Variants in KCNQ3 observed in about 807,000 individuals in gnomAD.
The protein encoded by KCNQ3 is potassium voltage-gated channel subfamily KQT member 3.
A neutral mutation model predicts 92.5 loss-of-function variants in KCNQ3; 30 were observed. That is an observed-to-expected ratio of 0.32 (90% confidence interval 0.24 to 0.44). The LOEUF (loss-of-function observed/expected upper bound fraction) is 0.44, where lower values mean the gene tolerates loss of function less well. KCNQ3 is among the 20% of genes least tolerant of loss of function. The probability of loss-of-function intolerance (pLI) is 1.00; values close to 1 mark genes in which losing one functional copy is unlikely to be tolerated. For synonymous variants in KCNQ3, 450 were observed against 468.8 expected (o/e 0.96, Z 0.52); for missense variants, 913 against 1,140.3 (o/e 0.80, Z 2.87).
intron 1 of KCNQ3, among the ~76,000 whole-genome samples, chr8:132,387,938 C>T (rs1819932561): frequency 6.7e-6 from 1 of 148,786 alleles, no homozygotes; most frequent in African/African-American, 2.5e-5. Flanking sequence ...AGAGCAAGAC[C>T]CTGTGAAGAA....
chr8:132,346,506 A>C (rs1818693022), intron 1 of KCNQ3, among the ~76,000 whole-genome samples: 1 of 152,180 alleles, frequency 6.6e-6, no homozygotes, highest in South Asian at 2.1e-4. Flanking sequence ...GAACAAGGAA[A>C]TACTAGAACC....
At chr8:132,424,741 G>C (rs1272572637) in intron 1 of KCNQ3, among the ~76,000 whole-genome samples, 2 of 152,188 alleles carry the variant, frequency 1.3e-5, no homozygotes, top group Non-Finnish European at 2.9e-5. Flanking sequence ...GCCCTTTCTT[G>C]CTTCTTCCAA....
At chr8:132,134,229 G>C (rs1824986435) in intron 13 of KCNQ3, 61 bp downstream of exon 13, 2 of 1,219,296 alleles carry the variant, frequency 1.6e-6, no homozygotes, top group African/African-American at 3.0e-5. Context: ...GAGGTTTGGG[G>C]GTGGGGATGC....
chr8:132,339,167 G>A (rs1417909735), intron 1 of KCNQ3, among the ~76,000 whole-genome samples: 1 of 152,172 alleles, frequency 6.6e-6, no homozygotes, highest in East Asian at 1.9e-4. Flanking sequence ...CTAGGCCTGA[G>A]GCACCTCCTC....
intron 1 of KCNQ3, among the ~76,000 whole-genome samples, chr8:132,311,308 C>A (rs1316697128): frequency 2.6e-5 from 4 of 152,200 alleles, no homozygotes; most frequent in Non-Finnish European, 5.9e-5. Context: ...CATTTCATAT[C>A]ATTTGCTTTG....
chr8:132,191,959 A>G (rs1827175347), intron 1 of KCNQ3, among the ~76,000 whole-genome samples: 1 of 151,394 alleles, frequency 6.6e-6, no homozygotes, highest in Admixed American at 6.6e-5. Flanking sequence ...CCGCGAAGAT[A>G]AGAAGCTACT....
In KCNQ3 at chr8:132,124,491, C is replaced by G. The variant is rs1824599915; in HGVS notation, c.*4771G>C. 1 of 147,736 alleles carries G rather than the reference C, an allele frequency of 6.8e-6. No individual in the cohort carries two copies. The highest frequency in any genetic ancestry group is 1.5e-5 in the Non-Finnish European group (1 of 66,010). 9.2% of individuals were successfully genotyped at this position (147,736 alleles called of 1,614,324 possible). A position where few individuals can be genotyped will look rare whatever the true frequency, so the allele number is the denominator to read the frequency against. On this transcript the variant is annotated 3_prime_UTR_variant, in exon 15 of 15. Transcript: ENST00000388996. ...TTGAATGTGCTGAAACTCAAATTTTCTTCCAGGTCATCTCTGTATGATTCC... is the reference window on the plus strand; with the variant it reads ...TTGAATGTGCTGAAACTCAAATTTTGTTCCAGGTCATCTCTGTATGATTCC...
chr8:132,313,416 AT>A (rs201994751), intron 1 of KCNQ3, among the ~76,000 whole-genome samples: 1,812 of 151,872 alleles, frequency 0.012, 17 homozygotes, highest in Middle Eastern at 0.021. Context: ...ATGAATGCAA[AT>A]TTTTTTTTAA....
At chr8:132,188,794 C>T (rs1827073463) in intron 1 of KCNQ3, among the ~76,000 whole-genome samples, 1 of 152,168 alleles carries the variant, frequency 6.6e-6, no homozygotes, top group Non-Finnish European at 1.5e-5. Context: ...GGTTATGACC[C>T]ACGTGTTCAC....
chr8:132,284,401 T>C (rs1411065580), intron 1 of KCNQ3, among the ~76,000 whole-genome samples: 1 of 152,206 alleles, frequency 6.6e-6, no homozygotes, highest in Admixed American at 6.5e-5. Flanking sequence ...AAACCCACTA[T>C]GTGTCAGTAT....
intron 1 of KCNQ3, among the ~76,000 whole-genome samples, chr8:132,374,669 T>A (rs1399492074): frequency 1.3e-5 from 2 of 152,168 alleles, no homozygotes; most frequent in African/African-American, 4.8e-5. Context: ...TGCTCTTCTC[T>A]CTCCTCCCAG....
chr8:132,140,799 C>T, intron 10 of KCNQ3: 1 of 359,496 alleles, frequency 2.8e-6, no homozygotes, highest in Middle Eastern at 8.6e-4. Flanking sequence ...TTGCTTTGCA[C>T]CTGGCACCGC....
intron 1 of KCNQ3, among the ~76,000 whole-genome samples, chr8:132,196,240 A>G (rs1478135649): frequency 6.6e-6 from 1 of 152,228 alleles, no homozygotes; most frequent in Non-Finnish European, 1.5e-5. Flanking sequence ...TAATTCATTT[A>G]TTCAATAAAA....
chr8:132,418,028 C>G (rs895760993), intron 1 of KCNQ3, among the ~76,000 whole-genome samples: 2 of 152,138 alleles, frequency 1.3e-5, no homozygotes, highest in Admixed American at 6.5e-5. Flanking sequence ...GCCACACCCC[C>G]CTCATCTTCC....
intron 1 of KCNQ3, among the ~76,000 whole-genome samples, 153 bp downstream of exon 1, chr8:132,479,994 C>CACACACACACACACACA (rs1554660748): frequency 9.0e-6 from 1 of 111,030 alleles, no homozygotes; most frequent in Non-Finnish European, 2.0e-5. Context: ...ACACACACAC[C>CACACACACACACACACA]CAGGGAAACG....
intron 1 of KCNQ3, among the ~76,000 whole-genome samples, chr8:132,324,054 T>C (rs928270753): frequency 6.6e-5 from 10 of 152,156 alleles, no homozygotes; most frequent in African/African-American, 2.4e-4. Flanking sequence ...CATCATACTG[T>C]TTCATCCCTC....
chr8:132,329,244 C>T (rs1004777043), intron 1 of KCNQ3, among the ~76,000 whole-genome samples: 3 of 152,174 alleles, frequency 2.0e-5, no homozygotes, highest in Non-Finnish European at 2.9e-5. Flanking sequence ...GAAAATGGCA[C>T]GCCTTCCTCC....
intron 9 of KCNQ3, among the ~76,000 whole-genome samples, chr8:132,157,120 T>G (rs1825820947): frequency 6.6e-6 from 1 of 152,198 alleles, no homozygotes; most frequent in South Asian, 2.1e-4. Context: ...ACCCATTATG[T>G]GGCAATTTGT....
chr8:132,451,317 T>A (rs2130849762), intron 1 of KCNQ3, among the ~76,000 whole-genome samples: 1 of 152,352 alleles, frequency 6.6e-6, no homozygotes, highest in Middle Eastern at 3.4e-3. Context: ...CTTTTTCCTT[T>A]ATAAATTACC....
Sources: allele counts gnomAD v4.1 joint callset (sites outside exome capture counted in the v4.1 genomes callset), GRCh38; gene constraint gnomAD v4.1.1; transcripts MANE v1.5; gene names NCBI Gene and HGNC (gene_info 2026-07-23, HGNC 2026-07-21).